Variants in CMKLR2 observed in about 807,000 individuals in gnomAD.
CMKLR2 encodes chemerin-like receptor 2.
CMKLR2 carries 18 observed loss-of-function variants against 23.0 expected under a neutral mutation model. The ratio of observed to expected loss-of-function variants is 0.78; its 90% CI spans 0.54 to 1.16. The LOEUF (loss-of-function observed/expected upper bound fraction) is 1.16. Among genes scored for constraint, CMKLR2 ranks in the 50% most tolerant of loss-of-function variants. CMKLR2 has a pLI of 0.00. For missense variants in CMKLR2, 401 were observed against 412.7 expected, an observed-to-expected ratio of 0.97 and a Z score of 0.25; for synonymous variants, 158 against 158.9, an observed-to-expected ratio of 0.99 and a Z score of 0.05.
chr2:206,210,528 G>C (rs1367119884), intron 1 of CMKLR2, among the ~76,000 whole-genome samples: 1 of 150,626 alleles, frequency 6.6e-6, no homozygotes, highest in Non-Finnish European at 1.5e-5. Flanking sequence ...GCACAATCTT[G>C]GCTTACTGCA....
rs1388917198 is a variant in CMKLR2 at position 206,176,798 on chromosome 2, G to C, written c.450C>G (p.Thr150=). 6 of 1,614,012 alleles carry C rather than the reference G, an allele frequency of 3.7e-6. No individual in the cohort carries two copies. In the Admixed American group the frequency reaches 6.7e-5, roughly 18 times the overall value. Residue 150 remains threonine (T), a synonymous_variant, in exon 2 of 2, where the codon ACC becomes ACG. Transcript: ENST00000621141. ...TAATGACAATCAGAGAGTTCTTGAG[G>C]GTTCGATGCCGATGAGATAAGACAG... ...IHPVLSHRHR[T]LKNSLIVIIF...
In CMKLR2 at chr2:206,175,744, A is replaced by C. The variant is rs1231820490; in HGVS notation, c.*436T>G. 1 of 152,724 alleles carries C rather than the reference A, an allele frequency of 6.5e-6. No homozygotes were observed. The highest frequency in any genetic ancestry group is 2.4e-5 in the African/African-American group (1 of 41,432). 9.5% of individuals were successfully genotyped at this position (152,724 alleles called of 1,614,324 possible). On this transcript the variant is annotated 3_prime_UTR_variant, in exon 2 of 2. Transcript: ENST00000621141. ...ATTCCTGACCTCGGGTAATCCCCCC[A>C]CCTTGGCCTCCCAAAGTGCTGGGAT... is the stretch of plus-strand genomic sequence containing the variant.
intron 1 of CMKLR2, among the ~76,000 whole-genome samples, chr2:206,204,628 G>A (rs1689245485): frequency 6.6e-6 from 1 of 151,594 alleles, no homozygotes; most frequent in Admixed American, 6.6e-5. Context: ...GCATGATCTC[G>A]GCTCAATGCA....
chr2:206,188,369 C>T (rs11889735), intron 1 of CMKLR2, among the ~76,000 whole-genome samples: 107 of 152,248 alleles, frequency 7.0e-4, no homozygotes, highest in African/African-American at 2.6e-3. Context: ...AATAACAATG[C>T]CAGGATAAGG....
intron 1 of CMKLR2, among the ~76,000 whole-genome samples, chr2:206,187,988 C>T (rs1196106551): frequency 1.3e-5 from 2 of 152,040 alleles, no homozygotes; most frequent in South Asian, 2.1e-4. Flanking sequence ...ACCTCCACCT[C>T]CCAGATTCAA....
chr2:206,182,354 T>C (rs1325144457), intron 1 of CMKLR2, among the ~76,000 whole-genome samples: 1 of 152,330 alleles, frequency 6.6e-6, no homozygotes, highest in South Asian at 2.1e-4. Flanking sequence ...CCTTCTGTCA[T>C]ACTTGTCTTA....
chr2:206,205,200 G>A (rs1559096974), intron 1 of CMKLR2, among the ~76,000 whole-genome samples: 1 of 152,146 alleles, frequency 6.6e-6, no homozygotes, highest in Non-Finnish European at 1.5e-5. Context: ...ACCATACCTA[G>A]AAAACAGGTC....
chr2:206,203,329 C>CAAAAAA (rs34691275), intron 1 of CMKLR2: 2 of 45,230 alleles, frequency 4.4e-5, no homozygotes, highest in African/African-American at 8.4e-5. Context: ...GACTCTGTCT[C>CAAAAAA]AAAAAAAAAA....
chr2:206,183,705 A>T (rs1688486857), intron 1 of CMKLR2, among the ~76,000 whole-genome samples: 1 of 152,160 alleles, frequency 6.6e-6, no homozygotes. Flanking sequence ...TTGTTTGATG[A>T]TGATGGTGAG....
intron 1 of CMKLR2, among the ~76,000 whole-genome samples, chr2:206,194,717 T>C (rs1286923322): frequency 6.7e-6 from 1 of 149,388 alleles, no homozygotes; most frequent in East Asian, 2.0e-4. Flanking sequence ...ATTACAGGCA[T>C]GAGCCACCAC....
chr2:206,204,463 CAT>C (rs369310780), intron 1 of CMKLR2, among the ~76,000 whole-genome samples: 1 of 151,072 alleles, frequency 6.6e-6, no homozygotes, highest in Non-Finnish European at 1.5e-5. Flanking sequence ...TTTGCTGAAA[CAT>C]AGCAAATTCT....
chr2:206,210,013 G>A (rs1349685558), intron 1 of CMKLR2, among the ~76,000 whole-genome samples: 1 of 149,382 alleles, frequency 6.7e-6, no homozygotes, highest in Admixed American at 6.7e-5. Context: ...ACCCAGACTG[G>A]AGGGCAGTGG....
intron 1 of CMKLR2, among the ~76,000 whole-genome samples, chr2:206,180,237 T>A (rs1455708003): frequency 2.6e-5 from 4 of 151,770 alleles, no homozygotes; most frequent in Non-Finnish European, 5.9e-5. Flanking sequence ...ACACTTGTAA[T>A]CCCAGTGCTT....
At chr2:206,209,815 A>G (rs1388103386) in intron 1 of CMKLR2, among the ~76,000 whole-genome samples, 1 of 147,790 alleles carries the variant, frequency 6.8e-6, no homozygotes, top group East Asian at 2.0e-4. Context: ...TGCCCGGCTA[A>G]TTTTTTGTAT....
chr2:206,187,733 A>G (rs34065531), intron 1 of CMKLR2, among the ~76,000 whole-genome samples: 57,628 of 151,956 alleles, frequency 0.38, 11,238 homozygotes, highest in African/African-American at 0.48. Context: ...ACATAGATAC[A>G]TGCACACACA....
rs1688225689 is a variant in CMKLR2 at position 206,176,646 on chromosome 2, A to G, written c.602T>C (p.Ile201Thr). The G allele has an allele frequency of 1.2e-6, 2 of 1,614,076 alleles. No individual in the cohort carries two copies. The highest frequency in any genetic ancestry group is 2.7e-5 in the African/African-American group (2 of 74,940). The change falls in exon 2 of 2, where the codon ATC (isoleucine) becomes ACC (threonine). Residue 201 changes from isoleucine to threonine, a missense_variant. Ile to Thr is a moderately conservative substitution (Grantham distance 89, BLOSUM62 -1). Coordinates refer to ENST00000621141, the MANE Select transcript of CMKLR2 (RefSeq NM_001389445.1). ...FQKHDPDLTL[I>T]RHHVLTWVKF... is the part of the protein sequence containing the mutation. ...CACCCAAGTCAGAACATGGTGCCTG[A>G]TCAAAGTGAGGTCAGGATCATGCTT...
chr2:206,187,208 G>T (rs1159676968), intron 1 of CMKLR2, among the ~76,000 whole-genome samples: 1 of 151,870 alleles, frequency 6.6e-6, no homozygotes, highest in Admixed American at 6.6e-5. Flanking sequence ...TTAGCCAGGC[G>T]CAGTAAGGCG....
At chr2:206,214,724 C>T (rs986468052), upstream of CMKLR2, among the ~76,000 whole-genome samples, 10 of 151,808 alleles carry the variant, frequency 6.6e-5, no homozygotes, top group African/African-American at 1.7e-4. Context: ...TCTGGGTTAA[C>T]GCCATTCTCC....
chr2:206,217,286 C>T (rs1179064067), upstream of CMKLR2: 2 of 152,068 alleles, frequency 1.3e-5, no homozygotes, highest in African/African-American at 2.4e-5. Flanking sequence ...GGAGATTAGA[C>T]TTAGGAGGCC....
Sources: gnomAD v4.1 joint callset for allele counts (sites outside exome capture counted in the v4.1 genomes callset) on GRCh38, gnomAD v4.1.1 for gene constraint, MANE v1.5 for transcripts, NCBI Gene and HGNC (gene_info 2026-07-23, HGNC 2026-07-21) for gene names.